Variants in COL4A1 observed in about 807,000 individuals in gnomAD.
COL4A1 encodes the protein collagen type IV alpha 1 chain, also known as collagen alpha-1(IV) chain.
A neutral mutation model predicts 216.6 loss-of-function variants in COL4A1; 40 were observed. That is an observed-to-expected ratio of 0.18 (90% confidence interval 0.14 to 0.24). COL4A1 has a LOEUF of 0.24. Ranked by LOEUF, COL4A1 falls within the 10% of genes least tolerant of loss-of-function variation. COL4A1 has a pLI of 1.00. For missense variants in COL4A1, 1,628 were observed against 2,196.8 expected (o/e 0.74, Z 5.18); for synonymous variants, 839 against 810.7 (o/e 1.03, Z -0.59).
At chr13:110,288,494 G>C (rs1479522387) in intron 1 of COL4A1, among the ~76,000 whole-genome samples, 1 of 152,108 alleles carries the variant, frequency 6.6e-6, no homozygotes, top group African/African-American at 2.4e-5. Flanking sequence ...CCACAGGGTA[G>C]AGCAACTGAC....
At chr13:110,283,223 C>T (rs1457903281) in intron 1 of COL4A1, among the ~76,000 whole-genome samples, 2 of 152,046 alleles carry the variant, frequency 1.3e-5, no homozygotes, top group East Asian at 1.9e-4. Flanking sequence ...TCAGAAAAGA[C>T]GAGTCATCGA....
intron 44 of COL4A1, among the ~76,000 whole-genome samples, 171 bp from the exon 45 acceptor site, chr13:110,166,474 C>T (rs1447166647): frequency 6.6e-6 from 1 of 152,214 alleles, no homozygotes; most frequent in Non-Finnish European, 1.5e-5. Flanking sequence ...CACATTCATA[C>T]ACCTGCTTAT....
chr13:110,196,561 A>C (rs1878899111), intron 21 of COL4A1, among the ~76,000 whole-genome samples: 1 of 151,946 alleles, frequency 6.6e-6, no homozygotes, highest in African/African-American at 2.4e-5. Flanking sequence ...CTCAACCAGA[A>C]TCCCTTCAAA....
At chr13:110,228,887 T>A (rs776110854) in intron 2 of COL4A1, among the ~76,000 whole-genome samples, 1 of 152,194 alleles carries the variant, frequency 6.6e-6, no homozygotes, top group African/African-American at 2.4e-5. Flanking sequence ...GATTAGCGAA[T>A]GGAAAAAACC....
chr13:110,167,081 G>T, intron 44 of COL4A1, 77 bp downstream of exon 44: 1 of 1,177,298 alleles, frequency 8.5e-7, no homozygotes, highest in Non-Finnish European at 1.3e-6. Flanking sequence ...TCAGTGCTAA[G>T]GTGCCCGAGG....
Position 110,150,156 on chromosome 13 carries a change from T to C in COL4A1, c.*207A>G, listed in dbSNP as rs926420988. 9 of 623,152 alleles carry C rather than the reference T, an allele frequency of 1.4e-5. No individual in the cohort carries two copies. The highest frequency in any genetic ancestry group is 2.3e-5 in the Non-Finnish European group (8 of 344,358). The allele number at this position is 623,152 out of a possible 1,614,324, so 38.6% of individuals were successfully genotyped here. A position where few individuals can be genotyped will look rare whatever the true frequency, so the allele number is the denominator to read the frequency against. ...TCAAAAGTGCCATTTGGTATGCCAC[T>C]ATTGAAAGCTTATCGCTGTCTTTTT... On this transcript the variant is annotated 3_prime_UTR_variant, in exon 52 of 52. Transcript: ENST00000375820.
intron 1 of COL4A1, among the ~76,000 whole-genome samples, chr13:110,274,091 A>T (rs1883348043): frequency 6.6e-6 from 1 of 152,220 alleles, no homozygotes; most frequent in Admixed American, 6.5e-5. Flanking sequence ...CCTATAAAAG[A>T]TAAAATGTGC....
At chr13:110,269,019 C>T (rs562861805) in intron 1 of COL4A1, among the ~76,000 whole-genome samples, 2 of 152,282 alleles carry the variant, frequency 1.3e-5, no homozygotes, top group East Asian at 3.9e-4. Flanking sequence ...GCACGGAGAA[C>T]TGATCCAGGC....
intron 1 of COL4A1, among the ~76,000 whole-genome samples, chr13:110,294,963 T>C (rs977970458): frequency 1.3e-5 from 2 of 152,246 alleles, no homozygotes; most frequent in East Asian, 1.9e-4. Context: ...ATGTAGTGTA[T>C]ATGTGTACAT....
At chr13:110,230,958 T>C (rs1329678469) in intron 2 of COL4A1, among the ~76,000 whole-genome samples, 4 of 152,076 alleles carry the variant, frequency 2.6e-5, no homozygotes, top group Non-Finnish European at 5.9e-5. Context: ...CAGCCCCTCC[T>C]CCCAATCAGG....
intron 20 of COL4A1, 102 bp downstream of exon 20, chr13:110,200,748 CGATT>C (rs1879153696): frequency 8.3e-7 from 1 of 1,206,854 alleles, no homozygotes; most frequent in Non-Finnish European, 1.2e-6. Flanking sequence ...AGATTGCTAC[CGATT>C]GTGTGCAAAT....
At position 110,206,660 on chromosome 13, in the gene COL4A1, C is replaced by T. The variant is rs1222795179; in HGVS notation, c.858+5G>A. ...TATGATAAAAGGACTTTGGAAAGCA[C>T]TTACTCTGGGTCCTGGTTTTCCGGG... On this transcript the variant is annotated splice_donor_5th_base_variant and intron_variant, in intron 15 of 51. Transcript: ENST00000375820. 6.2e-7 allele frequency: 1 copy of T among 1,614,048 alleles called. No homozygotes were observed. The highest frequency in any genetic ancestry group is 1.3e-5 in the African/African-American group (1 of 74,928).
rs1026312863 is a variant in COL4A1, at chr13:110,208,756, T to G, written c.693+93A>C. 3.4e-6 allele frequency: 4 copies of G among 1,173,136 alleles called. No individual in the cohort carries two copies. The African/African-American group carries it at 4.5e-5, about 13-fold the overall frequency. 72.7% of individuals were successfully genotyped at this position (1,173,136 alleles called of 1,614,324 possible). A position where few individuals can be genotyped will look rare whatever the true frequency, so the allele number is the denominator to read the frequency against. On this transcript the variant is annotated intron_variant, in intron 12 of 51. Transcript: ENST00000375820. ...ACATGCAGAGAAGAGTAACTATACT[T>G]GTAAGAGTCCAGACATTGATCCAAA...
chr13:110,169,803 T>G, intron 42 of COL4A1, 41 bp from the exon 43 acceptor site: 1 of 1,612,946 alleles, frequency 6.2e-7, no homozygotes. Flanking sequence ...GGGTTAAATA[T>G]GCACAAGTGT....
At chr13:110,285,815 G>C (rs1883822225) in intron 1 of COL4A1, among the ~76,000 whole-genome samples, 1 of 152,104 alleles carries the variant, frequency 6.6e-6, no homozygotes, top group Non-Finnish European at 1.5e-5. Flanking sequence ...GCACACTGTG[G>C]GACCTCTCAG....
chr13:110,176,725 C>T lies in COL4A1; in HGVS notation c.2870-1G>A, dbSNP rs1439955365. 1 of 1,614,032 alleles carries T rather than the reference C, an allele frequency of 6.2e-7. No individual in the cohort carries two copies. Among genetic ancestry groups the T allele is most frequent in the Non-Finnish European group, 8.5e-7 (1 of 1,179,906 alleles). Reference sequence around the variant, plus strand: ...TTCTCACCAATTGGTCCAATTTGTCCTACACATCAGAGAAGAAAATAGCAA... The same window carrying T: ...TTCTCACCAATTGGTCCAATTTGTCTTACACATCAGAGAAGAAAATAGCAA... On this transcript the variant is annotated splice_acceptor_variant, in intron 34 of 51. Transcript: ENST00000375820. LOFTEE classifies it high-confidence loss of function.
chr13:110,297,220 C>T (rs965165653), intron 1 of COL4A1, among the ~76,000 whole-genome samples: 4 of 152,254 alleles, frequency 2.6e-5, no homozygotes, highest in African/African-American at 9.6e-5. Flanking sequence ...TCTGAAGCTG[C>T]GGGGTGGGGG....
At chr13:110,220,296 A>C (rs1880413102) in intron 2 of COL4A1, among the ~76,000 whole-genome samples, 1 of 152,320 alleles carries the variant, frequency 6.6e-6, no homozygotes, top group East Asian at 1.9e-4. Context: ...ACCCAACATC[A>C]TAGCTTAGCC....
intron 2 of COL4A1, among the ~76,000 whole-genome samples, chr13:110,236,773 C>T (rs539259359): frequency 1.3e-5 from 2 of 152,346 alleles, no homozygotes; most frequent in South Asian, 2.1e-4. Context: ...TCTCACAGGC[C>T]TGAAACAGGC....
Sources: gnomAD v4.1 joint callset for allele counts (sites outside exome capture counted in the v4.1 genomes callset) on GRCh38, gnomAD v4.1.1 for gene constraint, MANE v1.5 for transcripts, NCBI Gene and HGNC (gene_info 2026-07-23, HGNC 2026-07-21) for gene names.